Variants in C12orf42 observed in about 807,000 individuals in gnomAD.
C12orf42 encodes chromosome 12 open reading frame 42.
A neutral mutation model predicts 21.6 loss-of-function variants in C12orf42; 25 were observed. The observed-to-expected ratio is 1.16, with a 90% confidence interval of 0.84 to 1.62. The LOEUF (loss-of-function observed/expected upper bound fraction) is 1.62. C12orf42 is among the 40% of genes most tolerant of loss of function. The pLI is 0.00. For synonymous variants in C12orf42, 174 were observed against 175.0 expected (o/e 0.99, Z 0.05); for missense variants, 483 against 459.3 (o/e 1.05, Z -0.47).
At chr12:103,160,993 T>G in the C12orf42 span, among the ~76,000 whole-genome samples, 1 of 152,230 alleles carries the variant, frequency 6.6e-6, no homozygotes, top group African/African-American at 2.4e-5. Context: ...GAAGACTGAT[T>G]TAGACAACCT....
the C12orf42 span, among the ~76,000 whole-genome samples, chr12:103,530,155 T>G: frequency 6.6e-6 from 1 of 152,234 alleles, no homozygotes; most frequent in South Asian, 2.1e-4. Context: ...TTCGTACTTT[T>G]TTAGAGATTC....
chr12:103,332,921 C>T (rs755284218), intron 4 of C12orf42, among the ~76,000 whole-genome samples: 12 of 152,234 alleles, frequency 7.9e-5, no homozygotes, highest in South Asian at 2.1e-4. Flanking sequence ...GAGAATCAAA[C>T]GAACATTTAG....
chr12:103,441,577 G>A (rs1951247987), intron 2 of C12orf42: 2 of 152,180 alleles, frequency 1.3e-5, no homozygotes. Context: ...GCACCTAATG[G>A]AGTCAGGTTT....
intron 4 of C12orf42, among the ~76,000 whole-genome samples, chr12:103,296,155 T>C (rs899454487): frequency 4.6e-5 from 7 of 151,922 alleles, no homozygotes; most frequent in Admixed American, 2.6e-4. Flanking sequence ...AGAATGATGG[T>C]TTCCAGCTTC....
chr12:103,202,537 G>A, the C12orf42 span, among the ~76,000 whole-genome samples: 58 of 152,312 alleles, frequency 3.8e-4, no homozygotes, highest in Non-Finnish European at 1.6e-4. Context: ...AATCTGGAAA[G>A]AATAAACTGT....
chr12:103,561,215 C>T, the C12orf42 span, among the ~76,000 whole-genome samples: 5 of 152,184 alleles, frequency 3.3e-5, no homozygotes, highest in African/African-American at 1.2e-4. Context: ...GGGGCAGGAG[C>T]TCCTGACATT....
At chr12:103,552,449 T>C in the C12orf42 span, among the ~76,000 whole-genome samples, 3 of 152,158 alleles carry the variant, frequency 2.0e-5, no homozygotes, top group African/African-American at 7.2e-5. Context: ...TAGGAAGCCA[T>C]AGTTGATAGG....
intron 3 of C12orf42, among the ~76,000 whole-genome samples, chr12:103,395,452 CA>C (rs1435039155): frequency 4.6e-5 from 7 of 151,982 alleles, no homozygotes; most frequent in African/African-American, 1.7e-4. Flanking sequence ...TCTCCCGCCT[CA>C]GCCTCCTGAG....
intron 3 of C12orf42, among the ~76,000 whole-genome samples, chr12:103,372,046 C>G (rs2045291796): frequency 6.6e-6 from 1 of 152,062 alleles, no homozygotes; most frequent in Non-Finnish European, 1.5e-5. Flanking sequence ...ATATAAGTGT[C>G]CAAAAGAGAA....
chr12:103,445,682 T>G (rs1410023265), intron 2 of C12orf42, among the ~76,000 whole-genome samples: 3 of 152,040 alleles, frequency 2.0e-5, no homozygotes, highest in African/African-American at 7.3e-5. Context: ...GCAAATACTC[T>G]CTCCCATTTG....
chr12:103,111,750 A>G, the C12orf42 span, among the ~76,000 whole-genome samples: 120 of 152,298 alleles, frequency 7.9e-4, 1 homozygote, highest in Non-Finnish European at 1.6e-4. Context: ...GCACATTTTC[A>G]TCATGCTAAG....
the C12orf42 span, among the ~76,000 whole-genome samples, chr12:103,180,475 G>A: frequency 2.0e-5 from 3 of 151,960 alleles, no homozygotes; most frequent in Admixed American, 1.3e-4. Context: ...AAAAGCCCCT[G>A]GATAGCTTAG....
chr12:103,224,224 C>T, the C12orf42 span, among the ~76,000 whole-genome samples: 38 of 152,228 alleles, frequency 2.5e-4, no homozygotes, highest in Admixed American at 1.0e-3. Context: ...GGCAAATCCT[C>T]GAGCTTGATG....
the C12orf42 span, among the ~76,000 whole-genome samples, chr12:103,104,274 G>T: frequency 1.3e-5 from 2 of 152,150 alleles, no homozygotes; most frequent in Non-Finnish European, 2.9e-5. Flanking sequence ...ACATGGTTTA[G>T]TTAAACACAC....
At chr12:103,195,572 G>T in the C12orf42 span, among the ~76,000 whole-genome samples, 1 of 152,074 alleles carries the variant, frequency 6.6e-6, no homozygotes, top group Non-Finnish European at 1.5e-5. Context: ...TCATATGCTT[G>T]TTGGCTAGAT....
chr12:103,533,579 C>T, the C12orf42 span, among the ~76,000 whole-genome samples: 1 of 152,130 alleles, frequency 6.6e-6, no homozygotes, highest in Non-Finnish European at 1.5e-5. Context: ...TGTTCTGAAG[C>T]TACATTTGAA....
At chr12:103,324,228 G>A (rs1396430251) in intron 4 of C12orf42, among the ~76,000 whole-genome samples, 1 of 152,026 alleles carries the variant, frequency 6.6e-6, no homozygotes, top group African/African-American at 2.4e-5. Flanking sequence ...AACATTTAGA[G>A]CCTATAAACT....
the C12orf42 span, among the ~76,000 whole-genome samples, chr12:103,186,468 A>G: frequency 6.6e-6 from 1 of 152,204 alleles, no homozygotes; most frequent in Non-Finnish European, 1.5e-5. Context: ...CATGCGTTCA[A>G]AAGTGATTTT....
the C12orf42 span, among the ~76,000 whole-genome samples, chr12:103,067,783 C>A: frequency 6.6e-6 from 1 of 152,150 alleles, no homozygotes; most frequent in Admixed American, 6.6e-5. Flanking sequence ...GCCACCTGGA[C>A]ACTTTGGGCT....
Sources: allele counts gnomAD v4.1 joint callset (sites outside exome capture counted in the v4.1 genomes callset), GRCh38; gene constraint gnomAD v4.1.1; transcripts MANE v1.5; gene names NCBI Gene and HGNC (gene_info 2026-07-23, HGNC 2026-07-21).